The following ANO3 variants were observed in gnomAD, a reference collection of about 807,000 sequenced individuals.
ANO3 encodes the protein anoctamin-3.
Under a neutral mutation model 144.8 loss-of-function variants are expected in ANO3, and 99 were observed. That is an observed-to-expected ratio of 0.68 (90% CI 0.58 to 0.81). The LOEUF is 0.81. Among genes scored for constraint, ANO3 ranks in the 30% least tolerant of loss-of-function variants. ANO3 has a pLI of 0.00. For missense variants in ANO3, 905 were observed against 1,202.2 expected, an observed-to-expected ratio of 0.75 and a Z score of 3.66; for synonymous variants, 414 against 392.6, an observed-to-expected ratio of 1.05 and a Z score of -0.64.
chr11:26,499,480 T>C (rs1861102506), intron 4 of ANO3, among the ~76,000 whole-genome samples: 1 of 149,574 alleles, frequency 6.7e-6, no homozygotes, highest in Admixed American at 6.8e-5. Context: ...TTATTGTAAA[T>C]TGAAAGTTAA....
chr11:26,334,031 A>G (rs1330572715), intron 1 of ANO3, among the ~76,000 whole-genome samples: 2 of 152,196 alleles, frequency 1.3e-5, no homozygotes, highest in East Asian at 1.9e-4. Flanking sequence ...TGTATTATGT[A>G]TGGATACATG....
At chr11:26,415,049 G>GGTGT (rs747260200) in intron 1 of ANO3, among the ~76,000 whole-genome samples, 69 of 93,484 alleles carry the variant, frequency 7.4e-4, no homozygotes, top group South Asian at 5.1e-3. Flanking sequence ...AAAAGTTATT[G>GGTGT]GTGTGTATGT....
chr11:26,627,377 C>T (rs1197698452), intron 18 of ANO3, among the ~76,000 whole-genome samples: 3 of 151,720 alleles, frequency 2.0e-5, no homozygotes, highest in African/African-American at 7.3e-5. Context: ...GTCTTCATTT[C>T]CTCACTGTTA....
intron 1 of ANO3, among the ~76,000 whole-genome samples, chr11:26,296,468 A>G (rs893053698): frequency 2.6e-5 from 4 of 152,188 alleles, no homozygotes; most frequent in Admixed American, 2.6e-4. Flanking sequence ...TATGAGGGAG[A>G]GAAAATATAA....
chr11:26,228,416 G>T (rs374252575), intron 1 of ANO3, among the ~76,000 whole-genome samples: 1 of 152,204 alleles, frequency 6.6e-6, no homozygotes, highest in Non-Finnish European at 1.5e-5. Flanking sequence ...AAGAGGTGTA[G>T]CACTAAAATC....
rs146445511 is a variant in ANO3, at chr11:26,642,048, C to CA, written c.2275+20dup. The CA allele has an allele frequency of 0.027, 43,038 of 1,606,136 alleles. 636 individuals carry two copies. The highest frequency in any genetic ancestry group is 0.059 in the Middle Eastern group (354 of 6,036). On this transcript the variant is annotated intron_variant, in intron 22 of 26. Coordinates refer to ENST00000256737, the MANE Select transcript of ANO3 (RefSeq NM_031418.4). ...GAAATGGGTAAGGAAAAAAAATCTG[C>CA]AGGACTATTTGGCCTTCTTGATACA...
intron 1 of ANO3, among the ~76,000 whole-genome samples, chr11:26,337,883 C>T (rs138909216): frequency 2.6e-5 from 4 of 151,756 alleles, no homozygotes; most frequent in East Asian, 1.9e-4. Flanking sequence ...TGCAGTGAGC[C>T]GAGATTGCAC....
intron 4 of ANO3, among the ~76,000 whole-genome samples, chr11:26,467,750 T>G (rs1590386826): frequency 6.6e-6 from 1 of 151,402 alleles, no homozygotes; most frequent in African/African-American, 2.4e-5. Flanking sequence ...AATATGGGAG[T>G]GCAGATATTT....
intron 1 of ANO3, among the ~76,000 whole-genome samples, chr11:26,227,426 C>A (rs539135026): frequency 6.6e-6 from 1 of 152,258 alleles, no homozygotes; most frequent in Admixed American, 6.5e-5. Flanking sequence ...GTAATACCAC[C>A]ATCTCTTGGT....
intron 20 of ANO3, among the ~76,000 whole-genome samples, chr11:26,636,659 T>C (rs10835035): frequency 0.35 from 52,872 of 152,164 alleles, 9,786 homozygotes; most frequent in South Asian, 0.48. Flanking sequence ...GAAGTTATGA[T>C]TTAAATCTTT....
At chr11:26,201,948 T>C (rs1391645577) in intron 1 of ANO3, among the ~76,000 whole-genome samples, 1 of 151,466 alleles carries the variant, frequency 6.6e-6, no homozygotes, top group African/African-American at 2.4e-5. Flanking sequence ...ATTACAGTTG[T>C]AATGATTTTA....
chr11:26,379,093 A>C (rs1856504783), intron 1 of ANO3, among the ~76,000 whole-genome samples: 1 of 152,124 alleles, frequency 6.6e-6, no homozygotes, highest in South Asian at 2.1e-4. Context: ...AAGAAGTAAC[A>C]TGTCAGCAAA....
At chr11:26,462,716 G>A (rs1180744819) in intron 3 of ANO3, among the ~76,000 whole-genome samples, 2 of 151,276 alleles carry the variant, frequency 1.3e-5, no homozygotes, top group African/African-American at 4.9e-5. Context: ...AAAACATGAT[G>A]ATTTTTTTCA....
intron 1 of ANO3, among the ~76,000 whole-genome samples, chr11:26,441,696 T>C (rs1858527792): frequency 6.6e-6 from 1 of 152,134 alleles, no homozygotes. Flanking sequence ...TGGTGAAAGC[T>C]CAAACAGGAA....
intron 6 of ANO3, among the ~76,000 whole-genome samples, chr11:26,517,997 A>G (rs186071): frequency 0.04 from 6,096 of 152,132 alleles, 367 homozygotes; most frequent in African/African-American, 0.13. Context: ...ATGCTTGGCT[A>G]AGGGTTTAAA....
rs192311761 is a variant in ANO3, at chr11:26,411,608, C to A, written c.47-30310C>A. Among the ~76,000 whole-genome samples, 129 of 152,048 alleles carry A rather than the reference C, an allele frequency of 8.5e-4. No individual in the cohort carries two copies. In the East Asian group the frequency reaches 0.015, roughly 18 times the overall value. On this transcript the variant is annotated intron_variant, in intron 1 of 26. Coordinates refer to ENST00000256737, the MANE Select transcript of ANO3 (RefSeq NM_031418.4). ...TATGCTCACAAAATTTAGCCAGTAT[C>A]ATCTCCAAGTGACATGCTAGCACAT...
intron 10 of ANO3, among the ~76,000 whole-genome samples, chr11:26,539,385 A>C (rs1174347199): frequency 6.6e-6 from 1 of 152,136 alleles, no homozygotes; most frequent in Admixed American, 6.6e-5. Flanking sequence ...GCATGTCACT[A>C]TCAGGCCAGA....
rs1853920598 is a variant in ANO3, at chr11:26,662,943, AATTCTGT to A, written c.*2503_*2509del. ...ATTTATAGCACACACTATTCTCAGGAATTCTGTATTACATGAATGCTGCTTATATATT... is the reference window on the plus strand; with the variant it reads ...ATTTATAGCACACACTATTCTCAGGAATTACATGAATGCTGCTTATATATT... On this transcript the variant is annotated 3_prime_UTR_variant, in exon 27 of 27. Transcript: ENST00000256737. 1.3e-5 allele frequency: 2 copies of A among 152,450 alleles called. No individual in the cohort carries two copies. The highest frequency in any genetic ancestry group is 4.1e-4 in the South Asian group (2 of 4,824). 9.4% of individuals were successfully genotyped at this position (152,450 alleles called of 1,614,324 possible).
Position 26,250,559 on chromosome 11 carries a change from T to C in ANO3, c.155-59086T>C, listed in dbSNP as rs193001078. Among the ~76,000 whole-genome samples, 185 of 152,344 alleles carry C rather than the reference T, an allele frequency of 1.2e-3. 2 individuals are homozygous for C. In the East Asian group the frequency reaches 0.015, roughly 13 times the overall value. ...CCAAAATTTCTGTTGGATTCATCAC[T>C]GCCCTGCTTCTATGTTGAAGCACTT... On this transcript the variant is annotated intron_variant, in intron 1 of 27. Coordinates refer to the ANO3 transcript ENST00000672621.
Sources: allele counts gnomAD v4.1 joint callset (sites outside exome capture counted in the v4.1 genomes callset), GRCh38; gene constraint gnomAD v4.1.1; transcripts MANE v1.5; gene names NCBI Gene and HGNC (gene_info 2026-07-23, HGNC 2026-07-21).